Variants in ATRNL1 observed in about 807,000 individuals in gnomAD.
ATRNL1 encodes attractin-like protein 1.
A neutral mutation model predicts 182.7 loss-of-function variants in ATRNL1; 95 were observed. The observed-to-expected ratio is 0.52, with a 90% CI of 0.44 to 0.62. The LOEUF (loss-of-function observed/expected upper bound fraction) is 0.62, where lower values mean the gene tolerates loss of function less well. ATRNL1 is among the 20% of genes least tolerant of loss of function. ATRNL1 has a pLI of 0.00. For missense variants in ATRNL1, 1,471 were observed against 1,679.5 expected (o/e 0.88, Z 2.17); for synonymous variants, 576 against 568.3 (o/e 1.01, Z -0.19).
intron 26 of ATRNL1, among the ~76,000 whole-genome samples, chr10:115,686,894 C>A (rs559059285): frequency 3.3e-5 from 5 of 151,996 alleles, no homozygotes; most frequent in East Asian, 3.9e-4. Context: ...GACTTATATT[C>A]AAAAAACTCT....
intron 19 of ATRNL1, among the ~76,000 whole-genome samples, chr10:115,368,766 T>C (rs1287059376): frequency 6.6e-6 from 1 of 151,596 alleles, no homozygotes; most frequent in African/African-American, 2.4e-5. Context: ...CAGGCTGGAA[T>C]GCAGTGGTGT....
chr10:115,582,191 GC>G (rs1358226807), intron 26 of ATRNL1, among the ~76,000 whole-genome samples: 2 of 145,676 alleles, frequency 1.4e-5, no homozygotes, highest in African/African-American at 4.9e-5. Flanking sequence ...TGTAAATAGT[GC>G]CGCAGTAAAC....
intron 27 of ATRNL1, among the ~76,000 whole-genome samples, chr10:115,783,669 A>G (rs1192295637): frequency 1.3e-5 from 2 of 152,198 alleles, no homozygotes; most frequent in African/African-American, 4.8e-5. Context: ...TAAGTGAATT[A>G]CAGGAGATCA....
At chr10:115,887,915 G>T (rs959317833) in intron 28 of ATRNL1, among the ~76,000 whole-genome samples, 19 of 151,918 alleles carry the variant, frequency 1.3e-4, no homozygotes, top group African/African-American at 4.4e-4. Flanking sequence ...TGGCCCCCCT[G>T]CTTCCATTCT....
At chr10:115,788,980 A>G (rs1412446997) in intron 27 of ATRNL1, among the ~76,000 whole-genome samples, 2 of 152,210 alleles carry the variant, frequency 1.3e-5, no homozygotes, top group East Asian at 1.9e-4. Flanking sequence ...TCGAGTGGCG[A>G]TTTTTTATGA....
chr10:115,282,116 T>C (rs1286642312), intron 14 of ATRNL1, among the ~76,000 whole-genome samples: 1 of 146,290 alleles, frequency 6.8e-6, no homozygotes, highest in Non-Finnish European at 1.5e-5. Flanking sequence ...ATATATAATT[T>C]ATATATTTAA....
intron 8 of ATRNL1, among the ~76,000 whole-genome samples, chr10:115,195,884 G>A (rs1351453287): frequency 2.0e-5 from 3 of 152,012 alleles, no homozygotes; most frequent in Non-Finnish European, 4.4e-5. Context: ...CAAGCTCAAG[G>A]TCACATTTTT....
intron 18 of ATRNL1, among the ~76,000 whole-genome samples, chr10:115,330,885 T>G (rs1855181591): frequency 6.6e-6 from 1 of 152,046 alleles, no homozygotes; most frequent in African/African-American, 2.4e-5. Context: ...TTTTCATTTT[T>G]TATTCTTTTT....
chr10:115,447,071 A>G (rs2134467859), intron 21 of ATRNL1, among the ~76,000 whole-genome samples: 2 of 151,876 alleles, frequency 1.3e-5, no homozygotes, highest in East Asian at 1.9e-4. Flanking sequence ...TTCTATTAAC[A>G]AAGTTTTCCA....
At chr10:115,616,928 C>G (rs2133792961) in intron 26 of ATRNL1, among the ~76,000 whole-genome samples, 1 of 152,316 alleles carries the variant, frequency 6.6e-6, no homozygotes, top group South Asian at 2.1e-4. Flanking sequence ...GCGGATATGT[C>G]AGGTTGGAGC....
intron 10 of ATRNL1, among the ~76,000 whole-genome samples, chr10:115,244,420 G>T (rs1305218341): frequency 2.0e-5 from 3 of 152,004 alleles, no homozygotes; most frequent in Non-Finnish European, 4.4e-5. Flanking sequence ...TCATACCTTG[G>T]CATCCTCTTT....
chr10:115,114,527 C>G (rs188401983), intron 1 of ATRNL1, among the ~76,000 whole-genome samples: 297 of 152,160 alleles, frequency 2.0e-3, no homozygotes, highest in African/African-American at 6.7e-3. Context: ...AAAATGAACT[C>G]AAATCATTCA....
chr10:115,374,320 T>A (rs1394802677), intron 19 of ATRNL1, among the ~76,000 whole-genome samples: 3 of 151,704 alleles, frequency 2.0e-5, no homozygotes, highest in Non-Finnish European at 4.4e-5. Context: ...TCTTTTTTAT[T>A]TTTTTCTAGT....
In ATRNL1 at chr10:115,637,596, T is replaced by TTTATCACTATTA. The variant is rs1178553835; in HGVS notation, c.3795+88064_3795+88065insCACTATTATTAT. On this transcript the variant is annotated intron_variant, in intron 26 of 28. Coordinates refer to ENST00000355044, the MANE Select transcript of ATRNL1 (RefSeq NM_207303.4). ...TAATTAAAAAGTAAGCTAAAGTCAATTTATTACTATTATTATTATTATTAT... is the reference window on the plus strand; with the variant it reads ...TAATTAAAAAGTAAGCTAAAGTCAATTTATCACTATTATTATTACTATTATTATTATTATTAT... Among the ~76,000 whole-genome samples, 152 of 97,290 alleles carry TTTATCACTATTA rather than the reference T, an allele frequency of 1.6e-3. 1 individual carries two copies. Among genetic ancestry groups the TTTATCACTATTA allele is most frequent in the East Asian group, 5.6e-3 (16 of 2,870 alleles). The allele number at this position is 97,290 out of a possible 152,430, so 63.8% of individuals were successfully genotyped here. A position where few individuals can be genotyped will look rare whatever the true frequency, so the allele number is the denominator to read the frequency against.
intron 26 of ATRNL1, among the ~76,000 whole-genome samples, chr10:115,560,468 A>G (rs1853634247): frequency 6.6e-6 from 1 of 152,202 alleles, no homozygotes; most frequent in South Asian, 2.1e-4. Context: ...GGACACAGCA[A>G]AACCATATCA....
chr10:115,446,848 G>A (rs1847024684), intron 21 of ATRNL1, among the ~76,000 whole-genome samples: 1 of 151,776 alleles, frequency 6.6e-6, no homozygotes, highest in Non-Finnish European at 1.5e-5. Context: ...ATTAATTGTG[G>A]ATCTCCGATT....
intron 19 of ATRNL1, among the ~76,000 whole-genome samples, chr10:115,373,619 T>C (rs1554948699): frequency 1.3e-5 from 2 of 152,044 alleles, no homozygotes; most frequent in African/African-American, 4.8e-5. Flanking sequence ...TGATATTACG[T>C]GATTTTTATT....
chr10:115,439,356 A>G (rs1206460693), intron 21 of ATRNL1, among the ~76,000 whole-genome samples: 3 of 151,924 alleles, frequency 2.0e-5, no homozygotes, highest in Non-Finnish European at 4.4e-5. Context: ...TCATGTGAAA[A>G]ACATGTTGAA....
chr10:115,259,575 G>C (rs138066800), intron 10 of ATRNL1, among the ~76,000 whole-genome samples: 2 of 152,192 alleles, frequency 1.3e-5, no homozygotes, highest in Non-Finnish European at 2.9e-5. Flanking sequence ...TGCTTCCCGG[G>C]TGAGGTGATG....
Sources: gnomAD v4.1 joint callset for allele counts (sites outside exome capture counted in the v4.1 genomes callset) on GRCh38, gnomAD v4.1.1 for gene constraint, MANE v1.5 for transcripts, NCBI Gene and HGNC (gene_info 2026-07-23, HGNC 2026-07-21) for gene names.